Variants in SC5D observed in about 807,000 individuals in gnomAD.
SC5D encodes the protein lathosterol oxidase.
SC5D carries 21 observed loss-of-function variants against 23.9 expected under a neutral mutation model. That is an observed-to-expected ratio of 0.88 (90% confidence interval 0.62 to 1.26). The LOEUF (loss-of-function observed/expected upper bound fraction) is 1.26. Among genes scored for constraint, SC5D ranks in the 50% most tolerant of loss-of-function variants. The pLI is 0.00. For synonymous variants in SC5D, 113 were observed against 125.9 expected, an observed-to-expected ratio of 0.90 and a Z score of 0.68; for missense variants, 309 against 364.8, an observed-to-expected ratio of 0.85 and a Z score of 1.25.
At chr11:121,297,172 T>C (rs1193292296) in intron 1 of SC5D, among the ~76,000 whole-genome samples, 4 of 152,240 alleles carry the variant, frequency 2.6e-5, no homozygotes, top group African/African-American at 7.2e-5. Context: ...TAAACTCTTA[T>C]GGAGAGCGAT....
Position 121,311,789 on chromosome 11 carries a change from A to G in SC5D, c.*4277A>G. Among the ~76,000 whole-genome samples the G allele has an allele frequency of 6.6e-6, 1 of 152,238 alleles. No homozygotes were observed. The highest frequency in any genetic ancestry group is 1.9e-4 in the East Asian group (1 of 5,202). On this transcript the variant is annotated 3_prime_UTR_variant, in exon 5 of 5. Coordinates refer to ENST00000264027, the MANE Select transcript of SC5D (RefSeq NM_006918.5). Reference sequence around the variant, plus strand: ...GTTAGAAGCATTCAGTTAAATGTCAACTGAAACTATTGTTCATGTAAATTG... The same window carrying G: ...GTTAGAAGCATTCAGTTAAATGTCAGCTGAAACTATTGTTCATGTAAATTG...
intron 1 of SC5D, among the ~76,000 whole-genome samples, chr11:121,296,127 TC>T (rs1177781723): frequency 6.6e-6 from 1 of 152,170 alleles, no homozygotes; most frequent in Non-Finnish European, 1.5e-5. Context: ...TACCTCAGCC[TC>T]CCAAAGTGCT....
At chr11:121,298,458 C>T (rs1420973183) in intron 1 of SC5D, among the ~76,000 whole-genome samples, 2 of 152,092 alleles carry the variant, frequency 1.3e-5, no homozygotes, top group Non-Finnish European at 2.9e-5. Context: ...GATAAATCAG[C>T]AATAATAAAT....
intron 4 of SC5D, 46 bp from the exon 5 acceptor site, chr11:121,307,011 C>G (rs766580844): frequency 4.0e-6 from 6 of 1,508,236 alleles, no homozygotes; most frequent in Non-Finnish European, 5.5e-6. Flanking sequence ...TTGAATGTTG[C>G]ACGGGGTAAA....
chr11:121,293,280 G>A (rs1051201575), intron 1 of SC5D, among the ~76,000 whole-genome samples: 1 of 152,222 alleles, frequency 6.6e-6, no homozygotes, highest in African/African-American at 2.4e-5. Context: ...GTTGGGTGTT[G>A]CAGATCTCTT....
Position 121,312,597 on chromosome 11 carries a change from TAA to T in SC5D, c.*5086_*5087del, listed in dbSNP as rs1279201794. On this transcript the variant is annotated 3_prime_UTR_variant, in exon 5 of 5. Transcript: ENST00000264027. ...AAAGACAAAATAGCATATCAAAAGT[TAA>T]TCACTCAGTTGGAAAGCACTCATAC... Among the ~76,000 whole-genome samples the T allele has an allele frequency of 1.3e-5, 2 of 152,174 alleles. No homozygotes were observed. Among genetic ancestry groups the T allele is most frequent in the Non-Finnish European group, 1.5e-5 (1 of 68,010 alleles).
At chr11:121,297,774 A>G (rs1947899496) in intron 1 of SC5D, among the ~76,000 whole-genome samples, 1 of 152,214 alleles carries the variant, frequency 6.6e-6, no homozygotes, top group Non-Finnish European at 1.5e-5. Flanking sequence ...AACAGATGCC[A>G]CTCATTGCTT....
chr11:121,303,823 A>G (rs1947943161), intron 2 of SC5D: 1 of 442,058 alleles, frequency 2.3e-6, no homozygotes, highest in Admixed American at 4.0e-5. Flanking sequence ...CTAGATGCAT[A>G]TTGGAGCATT....
chr11:121,309,194 C>T lies in SC5D; in HGVS notation c.*1682C>T, dbSNP rs1260864945. ...GTGGACAGCTTTCCACCTAGTCTTTCTGCGACCCAGGCTCCTTCCTCTTGG... is the reference window on the plus strand; with the variant it reads ...GTGGACAGCTTTCCACCTAGTCTTTTTGCGACCCAGGCTCCTTCCTCTTGG... On this transcript the variant is annotated 3_prime_UTR_variant, in exon 5 of 5. Coordinates refer to ENST00000264027, the MANE Select transcript of SC5D (RefSeq NM_006918.5). Among the ~76,000 whole-genome samples, 1 of 152,220 alleles carries T rather than the reference C, an allele frequency of 6.6e-6. No individual in the cohort carries two copies. The highest frequency in any genetic ancestry group is 1.5e-5 in the Non-Finnish European group (1 of 68,044).
At chr11:121,293,985 A>G (rs111402392) in intron 1 of SC5D, among the ~76,000 whole-genome samples, 1 of 152,234 alleles carries the variant, frequency 6.6e-6, no homozygotes, top group Admixed American at 6.5e-5. Flanking sequence ...AGTGGGGAGC[A>G]TAGAAGTACC....
chr11:121,311,878 T>A lies in SC5D; in HGVS notation c.*4366T>A, dbSNP rs1395847234. 1.3e-5 allele frequency among the ~76,000 whole-genome samples: 2 copies of A among 152,176 alleles called. No homozygotes were observed. Among genetic ancestry groups the A allele is most frequent in the African/African-American group, 4.8e-5 (2 of 41,444 alleles). Reference sequence around the variant, plus strand: ...TCATTTTACCTCCATAGGCCCTCAATAGAAATCAGTTGCAGAGGGCAGAAG... The same window carrying A: ...TCATTTTACCTCCATAGGCCCTCAAAAGAAATCAGTTGCAGAGGGCAGAAG... On this transcript the variant is annotated 3_prime_UTR_variant, in exon 5 of 5. Coordinates refer to ENST00000264027, the MANE Select transcript of SC5D (RefSeq NM_006918.5).
intron 1 of SC5D, among the ~76,000 whole-genome samples, chr11:121,301,601 T>C (rs943859802): frequency 6.6e-6 from 1 of 152,154 alleles, no homozygotes; most frequent in African/African-American, 2.4e-5. Context: ...TGAAAAACTT[T>C]ACACATCCTA....
intron 1 of SC5D, among the ~76,000 whole-genome samples, chr11:121,296,280 A>C (rs919388376): frequency 6.6e-6 from 1 of 152,134 alleles, no homozygotes; most frequent in Non-Finnish European, 1.5e-5. Flanking sequence ...AGAAAGTCCA[A>C]ATTCCTCAGC....
In SC5D at chr11:121,309,931, T is replaced by C. The variant is rs1947996495; in HGVS notation, c.*2419T>C. On this transcript the variant is annotated 3_prime_UTR_variant, in exon 5 of 5. Coordinates refer to ENST00000264027, the MANE Select transcript of SC5D (RefSeq NM_006918.5). ...TTTGTGGTAGAAATTGAGAAGTGGG[T>C]GGATATGGTTCGAGAAGACCTTTCA... Among the ~76,000 whole-genome samples the C allele has an allele frequency of 6.6e-6, 1 of 152,164 alleles. No individual in the cohort carries two copies. Among genetic ancestry groups the C allele is most frequent in the South Asian group, 2.1e-4 (1 of 4,828 alleles).
In SC5D at chr11:121,312,607, G is replaced by T. The variant is rs1345168924; in HGVS notation, c.*5095G>T. Reference sequence around the variant, plus strand: ...TAGCATATCAAAAGTTAATCACTCAGTTGGAAAGCACTCATACCATAGGCT... The same window carrying T: ...TAGCATATCAAAAGTTAATCACTCATTTGGAAAGCACTCATACCATAGGCT... On this transcript the variant is annotated 3_prime_UTR_variant, in exon 5 of 5. Coordinates refer to ENST00000264027, the MANE Select transcript of SC5D (RefSeq NM_006918.5). 6.6e-6 allele frequency among the ~76,000 whole-genome samples: 1 copy of T among 152,116 alleles called. No homozygotes were observed. The highest frequency in any genetic ancestry group is 1.5e-5 in the Non-Finnish European group (1 of 68,000).
chr11:121,297,466 T>G (rs945650442), intron 1 of SC5D, among the ~76,000 whole-genome samples: 1 of 152,244 alleles, frequency 6.6e-6, no homozygotes, highest in Non-Finnish European at 1.5e-5. Flanking sequence ...TTGCTTTAAG[T>G]TCGGCTCTCA....
chr11:121,294,753 A>G (rs982167698), intron 1 of SC5D, among the ~76,000 whole-genome samples: 1 of 152,202 alleles, frequency 6.6e-6, no homozygotes, highest in African/African-American at 2.4e-5. Context: ...TAAACCTCAC[A>G]GCAATCAAAC....
Position 121,303,523 on chromosome 11 carries a change from G to T in SC5D, c.148G>T (p.Ala50Ser), listed in dbSNP as rs1055144144. The T allele has an allele frequency of 1.2e-6, 2 of 1,613,638 alleles. No homozygotes were observed. Among genetic ancestry groups the T allele is most frequent in the African/African-American group, 2.7e-5 (2 of 74,816 alleles). Residue 50 changes from alanine to serine, a missense_variant, in exon 2 of 5, where the codon GCA (alanine) becomes TCA (serine). By Grantham distance (99) the Ala-to-Ser change is moderately conservative. Coordinates refer to ENST00000264027, the MANE Select transcript of SC5D (RefSeq NM_006918.5). ...VGAYILYFFC[A>S]TLSYYFVFDH... ...TGCTTACATCCTTTATTTCTTCTGT[G>T]CAACACTGAGCTATTATTTTGTCTT...
At chr11:121,295,336 T>C (rs1011862331) in intron 1 of SC5D, among the ~76,000 whole-genome samples, 5 of 152,176 alleles carry the variant, frequency 3.3e-5, no homozygotes, top group South Asian at 2.1e-4. Context: ...GCGGGACAAC[T>C]CACAGTGGGG....
Sources: allele counts gnomAD v4.1 joint callset (sites outside exome capture counted in the v4.1 genomes callset), GRCh38; gene constraint gnomAD v4.1.1; transcripts MANE v1.5; gene names NCBI Gene and HGNC (gene_info 2026-07-23, HGNC 2026-07-21).